FILIP1L: variants seen among roughly 807,000 people sequenced by gnomAD.
The protein encoded by FILIP1L is filamin A-interacting protein 1-like.
Under a neutral mutation model 96.6 loss-of-function variants are expected in FILIP1L, and 55 were observed. The ratio of observed to expected loss-of-function variants is 0.57; its 90% CI spans 0.46 to 0.71. FILIP1L has a LOEUF of 0.71. Ranked by LOEUF, FILIP1L falls within the 30% of genes least tolerant of loss-of-function variation. The pLI is 0.00. For missense variants in FILIP1L, 1,304 were observed against 1,321.2 expected, an observed-to-expected ratio of 0.99 and a Z score of 0.20; for synonymous variants, 467 against 473.9, an observed-to-expected ratio of 0.99 and a Z score of 0.19.
chr3:99,898,245 A>C (rs1008942582), intron 4 of FILIP1L: 3 of 152,154 alleles, frequency 2.0e-5, no homozygotes, highest in Admixed American at 2.0e-4. Flanking sequence ...AGGTAGCATT[A>C]TTTTTAGAGC....
intron 1 of FILIP1L, among the ~76,000 whole-genome samples, chr3:100,062,414 C>G (rs2065589320): frequency 6.6e-6 from 1 of 152,028 alleles, no homozygotes; most frequent in South Asian, 2.1e-4. Flanking sequence ...CCCGGTCTAT[C>G]CTGTCTTCTT....
chr3:100,062,563 T>C (rs6794365), intron 1 of FILIP1L, among the ~76,000 whole-genome samples: 1,842 of 152,238 alleles, frequency 0.012, 23 homozygotes, highest in African/African-American at 0.028. Flanking sequence ...GTGCTTCTGT[T>C]TTTTCCAAGA....
intron 4 of FILIP1L, among the ~76,000 whole-genome samples, chr3:99,877,738 T>C (rs1054580139): frequency 3.3e-5 from 5 of 152,214 alleles, no homozygotes; most frequent in African/African-American, 4.8e-5. Flanking sequence ...ACTTATTAAA[T>C]ATCCTTTTTG....
At chr3:100,046,948 T>C (rs2065287464) in intron 1 of FILIP1L, among the ~76,000 whole-genome samples, 2 of 152,134 alleles carry the variant, frequency 1.3e-5, no homozygotes, top group Admixed American at 1.3e-4. Context: ...AAAAAATATT[T>C]CCTCCTAAAT....
intron 4 of FILIP1L, among the ~76,000 whole-genome samples, chr3:99,893,109 C>T (rs541993622): frequency 1.3e-5 from 2 of 151,212 alleles, no homozygotes; most frequent in African/African-American, 4.9e-5. Context: ...TTTTAGAAGA[C>T]ACCTTTCTGC....
rs1327271431 is a variant in FILIP1L at position 99,869,700 on chromosome 3, G to A, written c.606-18630C>T. 2.0e-5 allele frequency among the ~76,000 whole-genome samples: 3 copies of A among 152,124 alleles called. No individual in the cohort carries two copies. The East Asian group carries it at 5.8e-4, about 29-fold the overall frequency. On this transcript the variant is annotated intron_variant, in intron 4 of 5. Coordinates refer to ENST00000477258, the MANE Select transcript of FILIP1L (RefSeq NM_001387850.1). The stretch of plus-strand genomic sequence containing the variant: ...TAACAGGCAGACACTTAAGTCTTGC[G>A]AGCCCAAATGTGATGTTTTACATTC...
chr3:99,912,668 G>A (rs1353036836), intron 4 of FILIP1L, among the ~76,000 whole-genome samples: 8 of 152,122 alleles, frequency 5.3e-5, no homozygotes, highest in Admixed American at 1.3e-4. Flanking sequence ...ATGAGCCACC[G>A]CACCTGGCCC....
chr3:99,921,370 A>T (rs1426271008), intron 4 of FILIP1L, among the ~76,000 whole-genome samples: 2 of 152,168 alleles, frequency 1.3e-5, no homozygotes, highest in African/African-American at 4.8e-5. Flanking sequence ...GCCTTAAAGC[A>T]GATAGAAGTC....
intron 1 of FILIP1L, among the ~76,000 whole-genome samples, chr3:99,954,563 C>T (rs2107692939): frequency 1.3e-5 from 2 of 152,288 alleles, no homozygotes; most frequent in South Asian, 4.2e-4. Flanking sequence ...CAGTGGCTCA[C>T]ACCTGTAATC....
At chr3:99,931,129 A>G in intron 1 of FILIP1L, 99 bp from the exon 2 acceptor site, 1 of 966,490 alleles carries the variant, frequency 1.0e-6, no homozygotes, top group Non-Finnish European at 1.6e-6. Flanking sequence ...TGTTATATTT[A>G]CCACAGCCCC....
At chr3:100,106,879 A>C (rs2066405206) in intron 1 of FILIP1L, among the ~76,000 whole-genome samples, 1 of 152,202 alleles carries the variant, frequency 6.6e-6, no homozygotes, top group Non-Finnish European at 1.5e-5. Flanking sequence ...AAATATGCAG[A>C]AAGTTAATAA....
chr3:99,899,855 C>A (rs900560392), intron 4 of FILIP1L, among the ~76,000 whole-genome samples: 1 of 152,120 alleles, frequency 6.6e-6, no homozygotes, highest in African/African-American at 2.4e-5. Context: ...GAGTACCTTC[C>A]TCATAGGGTT....
At chr3:100,000,061 A>G (rs1399940626) in intron 1 of FILIP1L, among the ~76,000 whole-genome samples, 2 of 152,104 alleles carry the variant, frequency 1.3e-5, no homozygotes, top group Non-Finnish European at 2.9e-5. Flanking sequence ...AGGCATCTCT[A>G]TTTTTTGAAA....
At chr3:100,045,766 T>G (rs1474744142) in intron 1 of FILIP1L, among the ~76,000 whole-genome samples, 1 of 152,250 alleles carries the variant, frequency 6.6e-6, no homozygotes, top group African/African-American at 2.4e-5. Flanking sequence ...TTGCTGTGAA[T>G]GTGGGGAAAC....
chr3:99,849,293 C>A lies in FILIP1L; in HGVS notation c.2383G>T (p.Val795Leu), dbSNP rs1307087730. 3 of 1,614,142 alleles carry A rather than the reference C, an allele frequency of 1.9e-6. No individual in the cohort carries two copies. In the South Asian group the frequency reaches 3.3e-5, roughly 18 times the overall value. Residue 795 changes from valine (V) to leucine (L), a missense_variant, in exon 5 of 6, where the codon GTA becomes TTA. By Grantham distance (32) the Val-to-Leu change is conservative. Coordinates refer to ENST00000477258, the MANE Select transcript of FILIP1L (RefSeq NM_001387850.1). ...TCTGTCTGAACTTCTTTAGAAAATA[C>A]TTGAGGATCGGAAATTCTTCTTCCA... ...LNGRRISDPQ[V>L]FSKEVQTEAV...
chr3:100,059,350 A>C (rs1363154899), intron 1 of FILIP1L, among the ~76,000 whole-genome samples: 2 of 152,206 alleles, frequency 1.3e-5, no homozygotes, highest in African/African-American at 4.8e-5. Flanking sequence ...GAGACAATGA[A>C]AAATGCTTCA....
At chr3:99,967,889 AG>A in intron 1 of FILIP1L, among the ~76,000 whole-genome samples, 1 of 152,326 alleles carries the variant, frequency 6.6e-6, no homozygotes, top group East Asian at 1.9e-4. Flanking sequence ...GGTATTAGCA[AG>A]GAGAAGGAGT....
intron 4 of FILIP1L, among the ~76,000 whole-genome samples, chr3:99,923,742 A>G (rs1559689568): frequency 6.6e-6 from 1 of 152,038 alleles, no homozygotes; most frequent in East Asian, 1.9e-4. Flanking sequence ...TTTCCCTTTC[A>G]CAATTTTCCA....
intron 1 of FILIP1L, among the ~76,000 whole-genome samples, chr3:100,024,321 C>G (rs2064879736): frequency 6.6e-6 from 1 of 152,140 alleles, no homozygotes; most frequent in Admixed American, 6.5e-5. Context: ...TTAATTATAC[C>G]TTAGTGATTG....
Sources: gnomAD v4.1 joint callset for allele counts (sites outside exome capture counted in the v4.1 genomes callset) on GRCh38, gnomAD v4.1.1 for gene constraint, MANE v1.5 for transcripts, NCBI Gene and HGNC (gene_info 2026-07-23, HGNC 2026-07-21) for gene names.